The following WDPCP variants were observed in gnomAD, a reference collection of about 807,000 sequenced individuals.
WDPCP encodes WD repeat containing planar cell polarity effector, also known as WD repeat-containing and planar cell polarity effector protein fritz homolog.
WDPCP carries 71 observed loss-of-function variants against 93.1 expected under a neutral mutation model. That is an observed-to-expected ratio of 0.76 (90% CI 0.63 to 0.93). WDPCP has a LOEUF of 0.93. WDPCP is among the 40% of genes least tolerant of loss of function. The pLI, the probability that WDPCP is intolerant of heterozygous loss-of-function variation, is 0.00. For missense variants in WDPCP, 844 were observed against 887.4 expected (o/e 0.95, Z 0.62); for synonymous variants, 315 against 315.0 (o/e 1.00, Z 0.00).
chr2:63,535,428 G>A (rs984062699), intron 1 of WDPCP, among the ~76,000 whole-genome samples: 1 of 152,174 alleles, frequency 6.6e-6, no homozygotes, highest in African/African-American at 2.4e-5. Flanking sequence ...AAAGAACAGA[G>A]CTGGAGGCAT....
rs1046831258 is a variant in WDPCP, at chr2:63,127,375, G to A, written c.2191-5319C>T. On this transcript the variant is annotated intron_variant, in intron 17 of 17. Transcript: ENST00000272321. ...CCTGACCTCGTGATCTGCCCGCCTC[G>A]GCCTCCCAAAGTGCTGGGATTACAA... Among the ~76,000 whole-genome samples, 8 of 151,572 alleles carry A rather than the reference G, an allele frequency of 5.3e-5. No homozygotes were observed. The East Asian group carries it at 1.4e-3, about 26-fold the overall frequency.
At chr2:63,710,284 G>C (rs747373093) in intron 2 of WDPCP, among the ~76,000 whole-genome samples, 1 of 152,170 alleles carries the variant, frequency 6.6e-6, no homozygotes, top group Non-Finnish European at 1.5e-5. Context: ...CCACCAGGGT[G>C]CCCAAGGTTG....
chr2:63,545,245 T>C (rs879565560), intron 1 of WDPCP, among the ~76,000 whole-genome samples: 14 of 151,802 alleles, frequency 9.2e-5, no homozygotes, highest in Admixed American at 3.9e-4. Flanking sequence ...CAAATACAAT[T>C]TGGCTTAGAG....
intron 13 of WDPCP, among the ~76,000 whole-genome samples, chr2:63,269,947 A>G (rs771138756): frequency 1.6e-4 from 24 of 152,222 alleles, no homozygotes; most frequent in Non-Finnish European, 3.2e-4. Flanking sequence ...TTAAAATAAC[A>G]TTTCCTTTGG....
intron 2 of WDPCP, among the ~76,000 whole-genome samples, chr2:63,790,488 A>G (rs1030018082): frequency 5.3e-5 from 8 of 152,232 alleles, no homozygotes; most frequent in African/African-American, 1.7e-4. Context: ...ACTTGTAATC[A>G]GAACTTGAGC....
intron 14 of WDPCP, among the ~76,000 whole-genome samples, chr2:63,231,012 A>G (rs1273588157): frequency 6.6e-6 from 1 of 152,104 alleles, no homozygotes; most frequent in East Asian, 1.9e-4. Flanking sequence ...AATACTGGCA[A>G]ACTGAATCCA....
At chr2:63,538,615 T>C (rs1251466339) in intron 1 of WDPCP, among the ~76,000 whole-genome samples, 1 of 152,212 alleles carries the variant, frequency 6.6e-6, no homozygotes, top group Non-Finnish European at 1.5e-5. Flanking sequence ...TGCATCATTC[T>C]GTATATTTTC....
chr2:63,471,132 C>A (rs544762833), intron 6 of WDPCP, among the ~76,000 whole-genome samples: 1 of 152,164 alleles, frequency 6.6e-6, no homozygotes, highest in Admixed American at 6.5e-5. Flanking sequence ...TTGACTCTGT[C>A]CTCTTTTAGA....
chr2:63,472,987 A>C (rs1575485667), intron 6 of WDPCP, among the ~76,000 whole-genome samples: 1 of 152,096 alleles, frequency 6.6e-6, no homozygotes, highest in African/African-American at 2.4e-5. Flanking sequence ...CCCTGATTCT[A>C]TTTTCTGAAG....
chr2:63,587,937 T>C (rs1217030226), intron 1 of WDPCP, among the ~76,000 whole-genome samples: 1 of 152,248 alleles, frequency 6.6e-6, no homozygotes, highest in African/African-American at 2.4e-5. Context: ...GAGGCTCACC[T>C]CCTACAAAGT....
chr2:63,537,580 C>T (rs1262481950), intron 1 of WDPCP, among the ~76,000 whole-genome samples: 1 of 152,170 alleles, frequency 6.6e-6, no homozygotes, highest in Non-Finnish European at 1.5e-5. Flanking sequence ...GTTCCCTAGA[C>T]TCTTTGCCTT....
chr2:63,781,709 A>G (rs1160872937), intron 2 of WDPCP, among the ~76,000 whole-genome samples: 1 of 152,160 alleles, frequency 6.6e-6, no homozygotes, highest in African/African-American at 2.4e-5. Flanking sequence ...AAGAGAAGGG[A>G]GCAATCACTT....
intron 14 of WDPCP, among the ~76,000 whole-genome samples, chr2:63,245,453 A>G (rs36101682): frequency 0.14 from 20,649 of 152,234 alleles, 1,816 homozygotes; most frequent in Middle Eastern, 0.23. Context: ...ACTGTAAAAC[A>G]TCTTGGAGAG....
At chr2:63,322,433 A>G (rs6711248) in intron 12 of WDPCP, among the ~76,000 whole-genome samples, 121,870 of 152,124 alleles carry the variant, frequency 0.8, 49,689 homozygotes, top group East Asian at 0.96. Flanking sequence ...CTTTGGGTCC[A>G]TGCTGCCTTT....
intron 6 of WDPCP, among the ~76,000 whole-genome samples, chr2:63,468,000 G>T (rs1007220192): frequency 6.6e-6 from 1 of 152,126 alleles, no homozygotes; most frequent in African/African-American, 2.4e-5. Flanking sequence ...AAAGTTGATG[G>T]AGAGAAGCCA....
In WDPCP at chr2:63,439,783, T is replaced by C. The variant is rs1395587134; in HGVS notation, c.473A>G (p.Lys158Arg). 2.5e-6 allele frequency: 4 copies of C among 1,613,040 alleles called. No individual in the cohort carries two copies. The Admixed American group carries it at 5.0e-5, about 20-fold the overall frequency. ...ATCACTGATGGTGTCTGAGATGAGC[T>C]TCCCCACCAGGCTTCTGTCAATCAC... ...KVVIDRSLVG[K>R]LISDTISDAL... The change falls in exon 7 of 18, where the codon AAG (lysine) becomes AGG (arginine). Residue 158 changes from lysine to arginine, a missense_variant. Coordinates refer to ENST00000272321, the MANE Select transcript of WDPCP (RefSeq NM_015910.7).
intron 13 of WDPCP, among the ~76,000 whole-genome samples, chr2:63,270,398 T>G (rs1301262034): frequency 6.6e-6 from 1 of 152,198 alleles, no homozygotes; most frequent in East Asian, 1.9e-4. Context: ...GAATTTTCTC[T>G]GTGGGGTTAC....
At chr2:63,677,457 C>T (rs1414736458) in intron 2 of WDPCP, among the ~76,000 whole-genome samples, 2 of 151,722 alleles carry the variant, frequency 1.3e-5, no homozygotes, top group Non-Finnish European at 2.9e-5. Flanking sequence ...AACAGAAAAG[C>T]CACAAAGAAA....
chr2:63,368,981 A>T (rs975371022), intron 12 of WDPCP: 2 of 153,674 alleles, frequency 1.3e-5, no homozygotes, highest in Admixed American at 1.3e-4. Context: ...ATCTAACAAA[A>T]TTTTTCCTGG....
Sources: gnomAD v4.1 joint callset for allele counts (sites outside exome capture counted in the v4.1 genomes callset) on GRCh38, gnomAD v4.1.1 for gene constraint, MANE v1.5 for transcripts, NCBI Gene and HGNC (gene_info 2026-07-23, HGNC 2026-07-21) for gene names.